The following DNMBP variants were observed in gnomAD, a reference collection of about 807,000 sequenced individuals.
DNMBP encodes dynamin binding protein, also known as dynamin-binding protein.
In DNMBP, 87 loss-of-function variants were observed where a neutral mutation model predicts 150.0. That is an observed-to-expected ratio of 0.58 (90% CI 0.49 to 0.69). The LOEUF (loss-of-function observed/expected upper bound fraction) is 0.69. Ranked by LOEUF, DNMBP falls within the 30% of genes least tolerant of loss-of-function variation. The pLI is 0.00. For missense variants in DNMBP, 1,774 were observed against 1,949.0 expected (o/e 0.91, Z 1.69); for synonymous variants, 711 against 750.4 (o/e 0.95, Z 0.86).
chr10:99,962,661 A>G (rs1298229760), intron 3 of DNMBP, among the ~76,000 whole-genome samples: 15 of 152,108 alleles, frequency 9.9e-5, no homozygotes, highest in East Asian at 3.9e-4. Flanking sequence ...AACCACAAGT[A>G]ATTTTTCCCC....
At position 99,898,755 on chromosome 10, in the gene DNMBP, A is replaced by G; in HGVS notation, c.2708T>C (p.Leu903Pro). The part of the protein sequence containing the change: ...LQDSLADLKS[L>P]YNEWGCTNYI... ...CAATGGAACTTACCATTCGTTGTAT[A>G]GGCTCCTGCAAGGCAGTGGGCATGA... is the stretch of plus-strand genomic sequence containing the variant. Residue 903 changes from leucine (L) to proline (P), a missense_variant, in exon 8 of 17, where the codon CTA becomes CCA. Leu to Pro is a moderately conservative substitution (Grantham distance 98). Transcript: ENST00000324109. 1.2e-6 allele frequency: 2 copies of G among 1,613,826 alleles called. No individual in the cohort carries two copies. The highest frequency in any genetic ancestry group is 1.7e-6 in the Non-Finnish European group (2 of 1,179,776).
chr10:99,954,550 G>A (rs2040461063), intron 4 of DNMBP, among the ~76,000 whole-genome samples: 1 of 151,594 alleles, frequency 6.6e-6, no homozygotes, highest in South Asian at 2.1e-4. Flanking sequence ...TTCGAGACCA[G>A]CCTGACCAAC....
At chr10:99,896,884 G>A (rs2039664287) in intron 9 of DNMBP, among the ~76,000 whole-genome samples, 1 of 152,176 alleles carries the variant, frequency 6.6e-6, no homozygotes, top group African/African-American at 2.4e-5. Context: ...GAAAAGTGTA[G>A]AGATAAAAGT....
intron 4 of DNMBP, among the ~76,000 whole-genome samples, chr10:99,921,822 G>A (rs1298402525): frequency 1.7e-5 from 2 of 121,184 alleles, no homozygotes; most frequent in African/African-American, 6.3e-5. Flanking sequence ...CCAAGATCAC[G>A]CCACTGCACT....
At chr10:99,941,945 C>G (rs2040305752) in intron 4 of DNMBP, among the ~76,000 whole-genome samples, 1 of 152,220 alleles carries the variant, frequency 6.6e-6, no homozygotes, top group African/African-American at 2.4e-5. Flanking sequence ...CTCTCAGCCT[C>G]TGCCCTGTGT....
chr10:99,944,997 G>A (rs569940786), intron 4 of DNMBP, among the ~76,000 whole-genome samples: 39 of 152,276 alleles, frequency 2.6e-4, no homozygotes, highest in African/African-American at 9.1e-4. Flanking sequence ...AATTGGGCCA[G>A]CCCTCTTGCT....
intron 4 of DNMBP, among the ~76,000 whole-genome samples, chr10:99,916,091 G>GT (rs2039962273): frequency 6.6e-6 from 1 of 152,230 alleles, no homozygotes; most frequent in African/African-American, 2.4e-5. Flanking sequence ...CAATAAGACT[G>GT]TGAACAATGA....
Position 99,956,324 on chromosome 10 carries a change from GC to G in DNMBP, c.1149del (p.Pro385ArgfsTer24). On this transcript the variant is annotated frameshift_variant, in exon 4 of 17. Coordinates refer to ENST00000324109, the MANE Select transcript of DNMBP (RefSeq NM_015221.4). LOFTEE classifies it high-confidence loss of function. ...NSYQDEDTAG[G>X]PPRSPGVEWE... Reference sequence around the variant, plus strand: ...CACTCCACGCCTGGGCTTCTCGGGGGCCCTCCTGCGGTGTCCTCGTCCTGAT... The same window carrying G: ...CACTCCACGCCTGGGCTTCTCGGGGGCCTCCTGCGGTGTCCTCGTCCTGAT... The G allele has an allele frequency of 6.2e-7, 1 of 1,613,946 alleles. No individual in the cohort carries two copies. The highest frequency in any genetic ancestry group is 1.1e-5 in the South Asian group (1 of 91,052).
chr10:99,944,681 A>C (rs532832802), intron 4 of DNMBP, among the ~76,000 whole-genome samples: 1 of 151,446 alleles, frequency 6.6e-6, no homozygotes, highest in South Asian at 2.1e-4. Context: ...TGAGTGATTG[A>C]CCTGAATACC....
intron 4 of DNMBP, among the ~76,000 whole-genome samples, chr10:99,940,657 T>C (rs895101146): frequency 6.6e-6 from 1 of 152,234 alleles, no homozygotes; most frequent in African/African-American, 2.4e-5. Flanking sequence ...GCCACTACCC[T>C]ATTTTTTTGC....
chr10:99,993,316 G>A (rs1402630764), intron 1 of DNMBP, among the ~76,000 whole-genome samples: 1 of 152,172 alleles, frequency 6.6e-6, no homozygotes, highest in African/African-American at 2.4e-5. Context: ...CTGCTACTGG[G>A]TATGAAGTTT....
chr10:99,895,084 C>G, intron 10 of DNMBP, 34 bp from the exon 11 acceptor site: 1 of 1,276,856 alleles, frequency 7.8e-7, no homozygotes, highest in Non-Finnish European at 1.1e-6. Context: ...GTTAGCAAAT[C>G]TGGACACTCC....
intron 1 of DNMBP, among the ~76,000 whole-genome samples, chr10:99,992,521 TAGG>T (rs1315728685): frequency 1.3e-5 from 2 of 148,784 alleles, no homozygotes; most frequent in Non-Finnish European, 3.0e-5. Context: ...TGCCTGAATC[TAGG>T]AGTTTTTTTT....
At chr10:100,005,775 AAAAAAAAAACC>A (rs1295196447) in intron 1 of DNMBP, among the ~76,000 whole-genome samples, 1 of 127,642 alleles carries the variant, frequency 7.8e-6, no homozygotes, top group African/African-American at 3.2e-5. Context: ...AAAAAAAAAA[AAAAAAAAAACC>A]AAACTACATA....
intron 4 of DNMBP, among the ~76,000 whole-genome samples, chr10:99,945,941 C>G (rs1197319067): frequency 6.6e-6 from 1 of 152,128 alleles, no homozygotes; most frequent in Non-Finnish European, 1.5e-5. Context: ...CCGAACAGCC[C>G]TACCCAGAAA....
chr10:99,912,654 C>T (rs1305815066), intron 4 of DNMBP, among the ~76,000 whole-genome samples: 1 of 152,182 alleles, frequency 6.6e-6, no homozygotes, highest in African/African-American at 2.4e-5. Context: ...GGGGTATCCG[C>T]AATTTTAATA....
At chr10:99,933,992 T>A (rs1301031506) in intron 4 of DNMBP, among the ~76,000 whole-genome samples, 1 of 152,172 alleles carries the variant, frequency 6.6e-6, no homozygotes, top group Non-Finnish European at 1.5e-5. Context: ...TGCCTCGGCG[T>A]CCCAAAGTGT....
At chr10:99,969,981 C>T (rs1467802876) in intron 2 of DNMBP, among the ~76,000 whole-genome samples, 1 of 152,152 alleles carries the variant, frequency 6.6e-6, no homozygotes, top group East Asian at 1.9e-4. Flanking sequence ...CCATTTTCTT[C>T]ACTCCTTACC....
intron 1 of DNMBP, among the ~76,000 whole-genome samples, chr10:100,001,290 G>A (rs1481002590): frequency 2.3e-5 from 3 of 131,700 alleles, no homozygotes; most frequent in African/African-American, 2.8e-5. Flanking sequence ...GAGTGAGAAA[G>A]GAAGGCAGGT....
Sources: allele counts gnomAD v4.1 joint callset (sites outside exome capture counted in the v4.1 genomes callset), GRCh38; gene constraint gnomAD v4.1.1; transcripts MANE v1.5; gene names NCBI Gene and HGNC (gene_info 2026-07-23, HGNC 2026-07-21).